Variants in GPC6 observed in about 807,000 individuals in gnomAD.
GPC6 encodes the protein glypican-6.
In GPC6, 14 loss-of-function variants were observed where a neutral mutation model predicts 55.2. The observed-to-expected ratio is 0.25, with a 90% CI of 0.17 to 0.40. The LOEUF (loss-of-function observed/expected upper bound fraction) is 0.40. GPC6 is among the 10% of genes least tolerant of loss of function. The pLI is 1.00. For synonymous variants in GPC6, 278 were observed against 259.6 expected, an observed-to-expected ratio of 1.07 and a Z score of -0.68; for missense variants, 641 against 708.5, an observed-to-expected ratio of 0.90 and a Z score of 1.08.
intron 6 of GPC6, among the ~76,000 whole-genome samples, chr13:94,329,418 C>G (rs928556720): frequency 5.9e-5 from 9 of 152,198 alleles, no homozygotes. Flanking sequence ...GCAGTACCGT[C>G]TGCAGCTGCC....
intron 4 of GPC6, among the ~76,000 whole-genome samples, chr13:94,032,929 T>C (rs1883195774): frequency 1.3e-5 from 2 of 152,214 alleles, no homozygotes; most frequent in South Asian, 4.1e-4. Context: ...ATTCACTGAT[T>C]CTGTCACATA....
chr13:94,027,414 C>G (rs1032960179), intron 3 of GPC6, among the ~76,000 whole-genome samples: 1 of 152,126 alleles, frequency 6.6e-6, no homozygotes, highest in South Asian at 2.1e-4. Context: ...ATAATACCTA[C>G]GTTTTTATGG....
intron 4 of GPC6, among the ~76,000 whole-genome samples, chr13:94,242,760 A>T (rs372773503): frequency 8.5e-5 from 13 of 152,250 alleles, no homozygotes; most frequent in African/African-American, 3.1e-4. Context: ...TTCATATAAC[A>T]CAATTTCATT....
intron 1 of GPC6, among the ~76,000 whole-genome samples, chr13:93,428,378 A>G (rs1266519506): frequency 6.6e-6 from 1 of 152,152 alleles, no homozygotes; most frequent in East Asian, 1.9e-4. Flanking sequence ...AGCATCAAAC[A>G]AACAGCAATC....
chr13:93,453,258 A>G (rs897590609), intron 1 of GPC6, among the ~76,000 whole-genome samples: 20 of 151,924 alleles, frequency 1.3e-4, no homozygotes, highest in Non-Finnish European at 7.4e-5. Flanking sequence ...CTCTTCCCCC[A>G]CTTTCATTCA....
In GPC6 at chr13:93,897,056, A is replaced by G. The variant is rs145551104; in HGVS notation, c.711+66511A>G. 3.0e-3 allele frequency among the ~76,000 whole-genome samples: 438 copies of G among 148,238 alleles called. 5 individuals are homozygous for G. Among genetic ancestry groups the G allele is most frequent in the African/African-American group, 0.01 (404 of 40,132 alleles). ...TCAAGTATTAGCTATGTGTGTGTGTATTTTCAGCCAAATTATGTTTTTTTA... is the reference window on the plus strand; with the variant it reads ...TCAAGTATTAGCTATGTGTGTGTGTGTTTTCAGCCAAATTATGTTTTTTTA... On this transcript the variant is annotated intron_variant, in intron 3 of 8. Coordinates refer to ENST00000377047, the MANE Select transcript of GPC6 (RefSeq NM_005708.5).
chr13:93,486,873 A>C (rs1345722372), intron 1 of GPC6, among the ~76,000 whole-genome samples: 1 of 151,162 alleles, frequency 6.6e-6, no homozygotes, highest in African/African-American at 2.4e-5. Context: ...TGAACCAGGG[A>C]GTTGGAGGTT....
intron 8 of GPC6, among the ~76,000 whole-genome samples, chr13:94,400,161 C>A (rs767435441): frequency 3.3e-5 from 5 of 152,200 alleles, no homozygotes; most frequent in Non-Finnish European, 5.9e-5. Context: ...CTAACCCAAG[C>A]ACCAAATGTG....
At chr13:93,378,908 T>A (rs1875036795) in intron 1 of GPC6, among the ~76,000 whole-genome samples, 1 of 150,236 alleles carries the variant, frequency 6.7e-6, no homozygotes, top group Non-Finnish European at 1.5e-5. Context: ...GGCAGGAGAA[T>A]CGCATGAACC....
At chr13:93,282,007 A>G (rs1341024888) in intron 1 of GPC6, among the ~76,000 whole-genome samples, 2 of 152,160 alleles carry the variant, frequency 1.3e-5, no homozygotes, top group Non-Finnish European at 2.9e-5. Context: ...TTAGCCTCTC[A>G]TTTTCATTCT....
At chr13:93,217,112 G>C in the GPC6 span, among the ~76,000 whole-genome samples, 14 of 152,284 alleles carry the variant, frequency 9.2e-5, no homozygotes, top group African/African-American at 3.4e-4. Flanking sequence ...TCAATTCAAT[G>C]TTGTGAGGCC....
At chr13:93,793,357 A>G (rs1886104005) in intron 2 of GPC6, among the ~76,000 whole-genome samples, 1 of 152,226 alleles carries the variant, frequency 6.6e-6, no homozygotes, top group Non-Finnish European at 1.5e-5. Context: ...GTGAGATACT[A>G]AACTATTCAT....
At chr13:94,330,134 T>G in intron 6 of GPC6, among the ~76,000 whole-genome samples, 1 of 152,218 alleles carries the variant, frequency 6.6e-6, no homozygotes, top group African/African-American at 2.4e-5. Context: ...TGCATAAGTT[T>G]AATCCCACCT....
At chr13:94,127,430 A>T (rs1886857780) in intron 4 of GPC6, among the ~76,000 whole-genome samples, 1 of 152,070 alleles carries the variant, frequency 6.6e-6, no homozygotes, top group African/African-American at 2.4e-5. Context: ...GTGATGTGCC[A>T]GCTCCGCCTT....
intron 2 of GPC6, among the ~76,000 whole-genome samples, chr13:93,550,638 T>G (rs1875098009): frequency 6.6e-6 from 1 of 152,174 alleles, no homozygotes; most frequent in South Asian, 2.1e-4. Flanking sequence ...ATTTCTCATC[T>G]ATATACTGTA....
chr13:93,823,268 C>T (rs1003031265), intron 2 of GPC6, among the ~76,000 whole-genome samples: 2 of 152,022 alleles, frequency 1.3e-5, no homozygotes, highest in Non-Finnish European at 2.9e-5. Context: ...TATAATGCTT[C>T]CCATTAATTA....
chr13:93,681,819 C>A (rs1881855468), intron 2 of GPC6, among the ~76,000 whole-genome samples: 1 of 152,068 alleles, frequency 6.6e-6, no homozygotes, highest in Non-Finnish European at 1.5e-5. Flanking sequence ...TATCATGATA[C>A]CTTGTGCTGC....
In GPC6 at chr13:94,403,371, T is replaced by A. The variant is rs1881234839; in HGVS notation, c.*154T>A. 4.3e-6 allele frequency: 3 copies of A among 699,678 alleles called. No homozygotes were observed. In the South Asian group the frequency reaches 4.6e-5, roughly 11 times the overall value. 43.3% of individuals were successfully genotyped at this position (699,678 alleles called of 1,614,324 possible). A position where few individuals can be genotyped will look rare whatever the true frequency, so the allele number is the denominator to read the frequency against. ...ATGCAATCTGCCTCCCTTTTTGTTT[T>A]CCCAAAGAGTACCGGGTGCCAGACT... On this transcript the variant is annotated 3_prime_UTR_variant, in exon 9 of 9. Transcript: ENST00000377047.
chr13:94,348,992 C>T (rs1228312748), intron 6 of GPC6, among the ~76,000 whole-genome samples: 1 of 152,154 alleles, frequency 6.6e-6, no homozygotes, highest in African/African-American at 2.4e-5. Context: ...TTTACAAATA[C>T]CTGTTTGTTT....
Sources: allele counts gnomAD v4.1 joint callset (sites outside exome capture counted in the v4.1 genomes callset), GRCh38; gene constraint gnomAD v4.1.1; transcripts MANE v1.5; gene names NCBI Gene and HGNC (gene_info 2026-07-23, HGNC 2026-07-21).